Variants in SNTG2 observed in about 807,000 individuals in gnomAD.
SNTG2 encodes the protein gamma-2-syntrophin.
SNTG2 carries 74 observed loss-of-function variants against 70.9 expected under a neutral mutation model. That is an observed-to-expected ratio of 1.04 (90% confidence interval 0.86 to 1.27). The LOEUF (loss-of-function observed/expected upper bound fraction) is 1.27. Ranked by LOEUF, SNTG2 falls within the 50% of genes most tolerant of loss-of-function variation. The pLI is 0.00. For missense variants in SNTG2, 717 were observed against 690.7 expected (o/e 1.04, Z -0.43); for synonymous variants, 278 against 273.8 (o/e 1.02, Z -0.15).
chr2:982,012 A>G (rs572529821), intron 1 of SNTG2, among the ~76,000 whole-genome samples: 92 of 152,216 alleles, frequency 6.0e-4, no homozygotes, highest in Non-Finnish European at 1.0e-3. Context: ...GTCCACACAG[A>G]TGCACACAGA....
chr2:1,028,856 A>G (rs1304658449), intron 1 of SNTG2, among the ~76,000 whole-genome samples: 1 of 151,392 alleles, frequency 6.6e-6, no homozygotes, highest in Non-Finnish European at 1.5e-5. Flanking sequence ...GTGCTATATT[A>G]CACGCTTTTA....
chr2:1,014,638 G>A (rs1291117009), intron 1 of SNTG2, among the ~76,000 whole-genome samples: 1 of 138,496 alleles, frequency 7.2e-6, no homozygotes, highest in African/African-American at 2.6e-5. Context: ...AGAGAGAAGG[G>A]TGGTCTGTAG....
At chr2:1,195,612 C>A (rs2147951614) in intron 8 of SNTG2, among the ~76,000 whole-genome samples, 1 of 152,204 alleles carries the variant, frequency 6.6e-6, no homozygotes, top group East Asian at 1.9e-4. Flanking sequence ...TTTGTAGATT[C>A]TGGATATTAG....
At chr2:1,356,974 T>TGTTA (rs1388907449) in intron 16 of SNTG2, among the ~76,000 whole-genome samples, 1 of 151,954 alleles carries the variant, frequency 6.6e-6, no homozygotes, top group Non-Finnish European at 1.5e-5. Context: ...GATCGTCTGT[T>TGTTA]GTTAGTGCGT....
chr2:1,134,148 G>C (rs139507720), intron 4 of SNTG2, among the ~76,000 whole-genome samples: 1 of 152,142 alleles, frequency 6.6e-6, no homozygotes, highest in Non-Finnish European at 1.5e-5. Context: ...AGACCTTTGC[G>C]GTGAGTGTTA....
At chr2:1,270,674 C>T (rs1021842293) in intron 14 of SNTG2, among the ~76,000 whole-genome samples, 5 of 152,148 alleles carry the variant, frequency 3.3e-5, no homozygotes, top group African/African-American at 7.2e-5. Flanking sequence ...GAACAGTCCC[C>T]GGCATACTTC....
At chr2:1,140,475 T>G (rs1336042304) in intron 6 of SNTG2, among the ~76,000 whole-genome samples, 1 of 152,220 alleles carries the variant, frequency 6.6e-6, no homozygotes, top group Non-Finnish European at 1.5e-5. Context: ...CAGATTGGGA[T>G]GTCTCGGGGG....
chr2:952,482 T>C (rs996726907), intron 1 of SNTG2, among the ~76,000 whole-genome samples: 2 of 152,252 alleles, frequency 1.3e-5, no homozygotes, highest in Admixed American at 6.5e-5. Flanking sequence ...ATAAAGCAAC[T>C]GCGCGTATTC....
Position 1,259,466 on chromosome 2 carries a change from G to C in SNTG2, c.1077+25G>C. 3 of 1,589,672 alleles carry C rather than the reference G, an allele frequency of 1.9e-6. No homozygotes were observed. In the African/African-American group the frequency reaches 4.0e-5, roughly 21 times the overall value. On this transcript the variant is annotated intron_variant, in intron 13 of 16. Transcript: ENST00000308624. ...GGTAGGTATCTTTTGCACTTCAGAT[G>C]CTTTCATACAAATAAGATGCCCTTT...
At chr2:980,693 T>G (rs6716926) in intron 1 of SNTG2, among the ~76,000 whole-genome samples, 1 of 148,836 alleles carries the variant, frequency 6.7e-6, no homozygotes, top group Non-Finnish European at 1.5e-5. Flanking sequence ...TATAGACACA[T>G]GTACACACAC....
intron 7 of SNTG2, among the ~76,000 whole-genome samples, chr2:1,166,513 T>G (rs760573703): frequency 3.3e-5 from 5 of 152,138 alleles, no homozygotes; most frequent in Non-Finnish European, 7.4e-5. Flanking sequence ...GCCTTCCTTC[T>G]CTCCTGCCCC....
intron 9 of SNTG2, among the ~76,000 whole-genome samples, chr2:1,212,955 C>A (rs1477283081): frequency 6.6e-6 from 1 of 152,100 alleles, no homozygotes; most frequent in African/African-American, 2.4e-5. Flanking sequence ...CCAGGAGGAA[C>A]CTTTAGATAT....
chr2:966,770 C>A (rs924348428), intron 1 of SNTG2, among the ~76,000 whole-genome samples: 1 of 152,004 alleles, frequency 6.6e-6, no homozygotes, highest in Non-Finnish European at 1.5e-5. Context: ...CATGGTGAAA[C>A]CCCGTCTCTA....
intron 1 of SNTG2, among the ~76,000 whole-genome samples, chr2:964,731 G>T (rs1195365900): frequency 6.6e-6 from 1 of 152,172 alleles, no homozygotes; most frequent in Non-Finnish European, 1.5e-5. Context: ...TTCCTGAGAG[G>T]CTGAGCCCTG....
intron 1 of SNTG2, among the ~76,000 whole-genome samples, chr2:987,316 T>C (rs937863538): frequency 2.0e-5 from 3 of 152,020 alleles, no homozygotes; most frequent in African/African-American, 7.3e-5. Context: ...GCAGAGATGG[T>C]CCCCATGGAT....
intron 4 of SNTG2, among the ~76,000 whole-genome samples, chr2:1,128,193 G>A (rs757809636): frequency 6.6e-6 from 1 of 151,888 alleles, no homozygotes; most frequent in Non-Finnish European, 1.5e-5. Flanking sequence ...AATCTATTTA[G>A]ATGATCATAT....
chr2:1,000,784 G>C (rs1033742127), intron 1 of SNTG2, among the ~76,000 whole-genome samples: 3 of 151,148 alleles, frequency 2.0e-5, no homozygotes, highest in Non-Finnish European at 3.0e-5. Context: ...GTATCATCAT[G>C]ATAAAAAAAA....
chr2:1,192,439 T>C (rs893207010), intron 8 of SNTG2, among the ~76,000 whole-genome samples: 3 of 152,170 alleles, frequency 2.0e-5, no homozygotes, highest in Admixed American at 1.3e-4. Flanking sequence ...TTCTCAAGAA[T>C]AGGAAAATAA....
chr2:964,182 A>G (rs78190578), intron 1 of SNTG2, among the ~76,000 whole-genome samples: 16,507 of 152,274 alleles, frequency 0.11, 1,164 homozygotes, highest in Middle Eastern at 0.23. Flanking sequence ...GAACTCACAC[A>G]TGCCTAACTT....
Sources: gnomAD v4.1 joint callset for allele counts (sites outside exome capture counted in the v4.1 genomes callset) on GRCh38, gnomAD v4.1.1 for gene constraint, MANE v1.5 for transcripts, NCBI Gene and HGNC (gene_info 2026-07-23, HGNC 2026-07-21) for gene names.